Variants in ZNF385D observed in about 807,000 individuals in gnomAD.
ZNF385D encodes the protein zinc finger protein 659.
Under a neutral mutation model 35.8 loss-of-function variants are expected in ZNF385D, and 15 were observed. The observed-to-expected ratio is 0.42, with a 90% confidence interval of 0.28 to 0.64. ZNF385D has a LOEUF of 0.64. Ranked by LOEUF, ZNF385D falls within the 30% of genes least tolerant of loss-of-function variation. The probability of loss-of-function intolerance (pLI) is 0.23; values close to 1 mark genes in which losing one functional copy is unlikely to be tolerated. For missense variants in ZNF385D, 474 were observed against 494.6 expected (o/e 0.96, Z 0.39); for synonymous variants, 212 against 186.8 (o/e 1.13, Z -1.10).
intron 4 of ZNF385D, among the ~76,000 whole-genome samples, chr3:21,454,418 G>A (rs576616274): frequency 6.6e-6 from 1 of 152,080 alleles, no homozygotes; most frequent in South Asian, 2.1e-4. Context: ...ATGTGATCTT[G>A]TCCTCTATTA....
rs201555558 is a variant in ZNF385D, at chr3:22,111,550, T to C, written c.325+57267A>G. 2.7e-4 allele frequency among the ~76,000 whole-genome samples: 41 copies of C among 152,222 alleles called. 1 individual carries two copies. Among genetic ancestry groups the C allele is most frequent in the East Asian group, 5.8e-4 (3 of 5,150 alleles). On this transcript the variant is annotated intron_variant, in intron 3 of 5. Coordinates refer to the ZNF385D transcript ENST00000494108. Reference sequence around the variant, plus strand: ...GATAGAAAACTGTTGGATGAGGCGCTGTTCAGTGCTTTTCCTAATTTACCA... The same window carrying C: ...GATAGAAAACTGTTGGATGAGGCGCCGTTCAGTGCTTTTCCTAATTTACCA...
intron 3 of ZNF385D, among the ~76,000 whole-genome samples, chr3:22,100,088 A>G (rs930146164): frequency 6.7e-6 from 1 of 150,314 alleles, no homozygotes; most frequent in Admixed American, 6.6e-5. Flanking sequence ...AAAAATGCTC[A>G]CCATCACTGG....
At chr3:22,205,499 C>CA (rs775583794) in intron 2 of ZNF385D, among the ~76,000 whole-genome samples, 2 of 151,866 alleles carry the variant, frequency 1.3e-5, no homozygotes, top group Non-Finnish European at 2.9e-5. Flanking sequence ...GCAATTGTGG[C>CA]ATGTAAACTA....
intron 3 of ZNF385D, among the ~76,000 whole-genome samples, chr3:21,919,545 T>C (rs1044524661): frequency 1.1e-4 from 17 of 152,186 alleles, no homozygotes; most frequent in African/African-American, 3.1e-4. Flanking sequence ...GCAGAGAAGT[T>C]TGGGAACAGT....
chr3:22,349,450 C>T (rs1238506106), intron 2 of ZNF385D, among the ~76,000 whole-genome samples: 1 of 152,168 alleles, frequency 6.6e-6, no homozygotes, highest in Non-Finnish European at 1.5e-5. Flanking sequence ...GAGATAATAA[C>T]TTCCCAATCT....
chr3:22,179,772 G>C (rs1695098236), intron 2 of ZNF385D, among the ~76,000 whole-genome samples: 1 of 152,234 alleles, frequency 6.6e-6, no homozygotes, highest in South Asian at 2.1e-4. Flanking sequence ...GAATCTCTGG[G>C]ACACATTTAA....
chr3:22,227,388 G>C (rs1490395820), intron 2 of ZNF385D, among the ~76,000 whole-genome samples: 1 of 152,158 alleles, frequency 6.6e-6, no homozygotes, highest in East Asian at 1.9e-4. Context: ...CCTCATTTCA[G>C]AGAGGGTCCT....
chr3:21,949,670 T>C (rs1272445101), intron 3 of ZNF385D, among the ~76,000 whole-genome samples: 1 of 151,324 alleles, frequency 6.6e-6, no homozygotes, highest in East Asian at 2.0e-4. Context: ...ACCCATCATC[T>C]ACATTAGGTA....
intron 3 of ZNF385D, among the ~76,000 whole-genome samples, chr3:21,770,658 G>A (rs932919814): frequency 2.1e-4 from 32 of 152,042 alleles, no homozygotes; most frequent in East Asian, 9.7e-4. Flanking sequence ...AAACTAGTTC[G>A]ACCATTGCGG....
Position 21,865,387 on chromosome 3 carries a change from C to T in ZNF385D, c.326-200359G>A, listed in dbSNP as rs190619965. On this transcript the variant is annotated intron_variant, in intron 3 of 5. Transcript: ENST00000494108. ...TGCATCATTCGTGAAAGATAAAATC[C>T]TTGTTCAGCAATTTAACAAAGTCAC... is the stretch of plus-strand genomic sequence containing the variant. Among the ~76,000 whole-genome samples, 771 of 131,708 alleles carry T rather than the reference C, an allele frequency of 5.9e-3. 8 individuals carry two copies. Among genetic ancestry groups the T allele is most frequent in the African/African-American group, 0.018 (737 of 40,058 alleles). 86.4% of individuals were successfully genotyped at this position (131,708 alleles called of 152,430 possible).
At chr3:21,476,206 A>G (rs1418296512) in intron 4 of ZNF385D, among the ~76,000 whole-genome samples, 2 of 152,280 alleles carry the variant, frequency 1.3e-5, no homozygotes, top group Non-Finnish European at 2.9e-5. Context: ...ATTTCAACAC[A>G]GAATTAAATC....
intron 2 of ZNF385D, among the ~76,000 whole-genome samples, chr3:22,287,277 C>T (rs1004342281): frequency 3.3e-5 from 5 of 151,892 alleles, no homozygotes; most frequent in African/African-American, 1.2e-4. Context: ...AGAAATGAGT[C>T]TCTTAAAGTG....
chr3:21,760,634 C>T (rs2070562490), intron 3 of ZNF385D, among the ~76,000 whole-genome samples: 1 of 152,130 alleles, frequency 6.6e-6, no homozygotes, highest in African/African-American at 2.4e-5. Flanking sequence ...AATAAAAGGT[C>T]ATACTTTTCT....
intron 3 of ZNF385D, among the ~76,000 whole-genome samples, chr3:22,145,801 T>G (rs1292465605): frequency 1.3e-5 from 2 of 152,040 alleles, no homozygotes; most frequent in African/African-American, 4.8e-5. Context: ...AGGCCAGTGG[T>G]TTCCCCATCA....
intron 2 of ZNF385D, among the ~76,000 whole-genome samples, chr3:22,262,232 T>C (rs2125346327): frequency 6.6e-6 from 1 of 152,014 alleles, no homozygotes; most frequent in African/African-American, 2.4e-5. Context: ...GAAGGAGACA[T>C]GAGCTATTCT....
At chr3:22,295,350 C>G (rs1487978313) in intron 2 of ZNF385D, among the ~76,000 whole-genome samples, 1 of 152,110 alleles carries the variant, frequency 6.6e-6, no homozygotes, top group Admixed American at 6.6e-5. Context: ...CTATACAGCT[C>G]TCACACATGA....
At chr3:22,353,159 G>C (rs1376276523) in intron 2 of ZNF385D, among the ~76,000 whole-genome samples, 1 of 152,106 alleles carries the variant, frequency 6.6e-6, no homozygotes, top group Non-Finnish European at 1.5e-5. Context: ...GGGAAGTCTG[G>C]TTTAGCTTAA....
chr3:22,159,009 G>A (rs1405645253), intron 3 of ZNF385D, among the ~76,000 whole-genome samples: 3 of 151,988 alleles, frequency 2.0e-5, no homozygotes, highest in Non-Finnish European at 4.4e-5. Flanking sequence ...ACTTTCCTAA[G>A]ATTATAGATA....
intron 3 of ZNF385D, among the ~76,000 whole-genome samples, chr3:21,810,297 G>A (rs571383656): frequency 6.7e-6 from 1 of 148,384 alleles, no homozygotes; most frequent in Non-Finnish European, 1.5e-5. Flanking sequence ...ATATAGAAAA[G>A]CACTTACCAT....
Sources: gnomAD v4.1 joint callset for allele counts (sites outside exome capture counted in the v4.1 genomes callset) on GRCh38, gnomAD v4.1.1 for gene constraint, MANE v1.5 for transcripts, NCBI Gene and HGNC (gene_info 2026-07-23, HGNC 2026-07-21) for gene names.